SOX5: variants seen among roughly 807,000 people sequenced by gnomAD.
The protein encoded by SOX5 is SRY-box transcription factor 5.
SOX5 carries 9 observed loss-of-function variants against 92.0 expected under a neutral mutation model. The ratio of observed to expected loss-of-function variants is 0.10; its 90% CI spans 0.06 to 0.17. The LOEUF is 0.17. Ranked by LOEUF, SOX5 falls within the 10% of genes least tolerant of loss-of-function variation. The pLI, the probability that SOX5 is intolerant of heterozygous loss-of-function variation, is 1.00. For synonymous variants in SOX5, 344 were observed against 336.3 expected (o/e 1.02, Z -0.25); for missense variants, 642 against 944.5 (o/e 0.68, Z 4.20).
At chr12:23,850,751 G>A (rs900495037) in intron 2 of SOX5, among the ~76,000 whole-genome samples, 6 of 151,958 alleles carry the variant, frequency 3.9e-5, no homozygotes, top group African/African-American at 9.7e-5. Flanking sequence ...ATGTCTGCAC[G>A]AAACCCTAAA....
At chr12:23,762,240 A>C (rs938965801) in intron 3 of SOX5, among the ~76,000 whole-genome samples, 7 of 152,114 alleles carry the variant, frequency 4.6e-5, no homozygotes, top group Non-Finnish European at 7.4e-5. Context: ...CTTCTAGGAA[A>C]TATCAAAAAA....
At chr12:23,968,482 T>TGGGAGTGGGTTTGTTATCAC (rs1947845702) in intron 4 of SOX5, among the ~76,000 whole-genome samples, 1 of 152,194 alleles carries the variant, frequency 6.6e-6, no homozygotes, top group Non-Finnish European at 1.5e-5. Flanking sequence ...GCTGTCATCG[T>TGGGAGTGGGTTTGTTATCAC]GGGAGTGGGT....
chr12:23,808,685 T>C (rs1016634019), intron 3 of SOX5, among the ~76,000 whole-genome samples: 2 of 152,186 alleles, frequency 1.3e-5, no homozygotes, highest in African/African-American at 4.8e-5. Flanking sequence ...CATAGTTTTA[T>C]GGATTAGGAT....
chr12:23,816,999 C>G (rs934962164), intron 3 of SOX5, among the ~76,000 whole-genome samples: 1 of 152,174 alleles, frequency 6.6e-6, no homozygotes, highest in Non-Finnish European at 1.5e-5. Context: ...ATTTTAAGAG[C>G]CAGCATGACA....
chr12:23,956,249 T>C (rs1388571377), intron 4 of SOX5, among the ~76,000 whole-genome samples: 1 of 150,848 alleles, frequency 6.6e-6, no homozygotes, highest in Non-Finnish European at 1.5e-5. Flanking sequence ...TCTAGCACAG[T>C]ATAGGGGAAG....
intron 3 of SOX5, among the ~76,000 whole-genome samples, chr12:24,266,662 G>A (rs927706867): frequency 3.9e-5 from 6 of 151,954 alleles, no homozygotes; most frequent in African/African-American, 1.5e-4. Context: ...CTATTCATTT[G>A]TAAGCAGTTT....
At chr12:23,566,391 G>A (rs10505895) in intron 10 of SOX5, among the ~76,000 whole-genome samples, 139,664 of 152,206 alleles carry the variant, frequency 0.92, 65,297 homozygotes, top group East Asian at 1. Flanking sequence ...TCTAGTTGTC[G>A]AATAAATCCA....
intron 7 of SOX5, among the ~76,000 whole-genome samples, chr12:23,655,042 A>T (rs1265330799): frequency 6.6e-6 from 1 of 152,068 alleles, no homozygotes; most frequent in Non-Finnish European, 1.5e-5. Flanking sequence ...ATTTAATTTA[A>T]TAGTTACCTA....
chr12:24,314,252 T>C (rs1004688610), intron 2 of SOX5, among the ~76,000 whole-genome samples: 5 of 152,162 alleles, frequency 3.3e-5, no homozygotes, highest in Non-Finnish European at 7.4e-5. Context: ...GGTTTCCAGC[T>C]TCATCCATGT....
intron 9 of SOX5, among the ~76,000 whole-genome samples, chr12:23,576,093 A>C (rs939838258): frequency 6.6e-6 from 1 of 152,254 alleles, no homozygotes; most frequent in African/African-American, 2.4e-5. Context: ...TAATTTTTGT[A>C]ACCTGTAAGA....
intron 4 of SOX5, among the ~76,000 whole-genome samples, chr12:24,114,511 G>C (rs1947748493): frequency 1.5e-5 from 2 of 133,260 alleles, no homozygotes; most frequent in Non-Finnish European, 3.1e-5. Context: ...GGGAAGTGGA[G>C]GTTGCAGTGA....
At chr12:23,848,276 T>C (rs1384600815) in intron 2 of SOX5, among the ~76,000 whole-genome samples, 1 of 152,072 alleles carries the variant, frequency 6.6e-6, no homozygotes, top group African/African-American at 2.4e-5. Flanking sequence ...ATCAAAAATA[T>C]CAAAAAATAT....
intron 8 of SOX5, among the ~76,000 whole-genome samples, chr12:23,617,137 A>T (rs886927112): frequency 1.3e-5 from 2 of 151,486 alleles, no homozygotes; most frequent in Admixed American, 1.3e-4. Context: ...AGAAAAAAAA[A>T]AAAAAAAAAA....
intron 4 of SOX5, among the ~76,000 whole-genome samples, chr12:24,185,204 A>T (rs1053924528): frequency 2.0e-5 from 3 of 152,134 alleles, no homozygotes; most frequent in Non-Finnish European, 2.9e-5. Flanking sequence ...GTATGCTTAC[A>T]GAGGGATCTT....
chr12:23,567,450 T>C (rs1947326226), intron 10 of SOX5, among the ~76,000 whole-genome samples: 1 of 149,338 alleles, frequency 6.7e-6, no homozygotes, highest in Non-Finnish European at 1.5e-5. Flanking sequence ...TTAAATTCAC[T>C]ATAATTTGAT....
chr12:23,876,698 T>C (rs1281219240), intron 2 of SOX5, among the ~76,000 whole-genome samples: 6 of 152,210 alleles, frequency 3.9e-5, no homozygotes, highest in Admixed American at 3.9e-4. Context: ...TGCACACTTA[T>C]GTTTATTGCA....
chr12:23,941,035 C>T (rs181219268), intron 1 of SOX5, among the ~76,000 whole-genome samples: 3 of 151,488 alleles, frequency 2.0e-5, no homozygotes, highest in Admixed American at 6.6e-5. Context: ...GGGAATGAAC[C>T]TTGTTTGTAT....
chr12:24,231,087 G>T (rs1440364126), intron 3 of SOX5, among the ~76,000 whole-genome samples: 1 of 152,168 alleles, frequency 6.6e-6, no homozygotes, highest in African/African-American at 2.4e-5. Context: ...GAAGCAACAA[G>T]GTGCACAGAA....
intron 1 of SOX5, among the ~76,000 whole-genome samples, chr12:24,480,340 C>A (rs568179044): frequency 6.6e-5 from 10 of 152,142 alleles, no homozygotes; most frequent in Non-Finnish European, 1.5e-4. Context: ...CTCCAGGACA[C>A]TGGACTGGGC....
Sources: gnomAD v4.1 joint callset for allele counts (sites outside exome capture counted in the v4.1 genomes callset) on GRCh38, gnomAD v4.1.1 for gene constraint, MANE v1.5 for transcripts, NCBI Gene and HGNC (gene_info 2026-07-23, HGNC 2026-07-21) for gene names.